Variants in TRIM37 observed in about 807,000 individuals in gnomAD.
The protein encoded by TRIM37 is tripartite motif containing 37.
TRIM37 carries 80 observed loss-of-function variants against 129.8 expected under a neutral mutation model. The observed-to-expected ratio is 0.62, with a 90% CI of 0.51 to 0.74. TRIM37 has a LOEUF of 0.74. Among genes scored for constraint, TRIM37 ranks in the 30% least tolerant of loss-of-function variants. The pLI is 0.00. For missense variants in TRIM37, 1,054 were observed against 1,176.5 expected (o/e 0.90, Z 1.52); for synonymous variants, 389 against 387.1 (o/e 1.00, Z -0.06).
intron 2 of TRIM37, among the ~76,000 whole-genome samples, chr17:59,098,079 C>T (rs1345452117): frequency 6.6e-6 from 1 of 151,754 alleles, no homozygotes; most frequent in East Asian, 1.9e-4. Context: ...TGTGGTACTA[C>T]CATAAGAACA....
At chr17:59,090,925 C>T (rs1019680597) in intron 3 of TRIM37, among the ~76,000 whole-genome samples, 6 of 152,038 alleles carry the variant, frequency 3.9e-5, no homozygotes, top group South Asian at 2.1e-4. Context: ...CCACTGTGCC[C>T]GGCCAAGCTA....
chr17:59,063,216 G>A (rs1749131176), intron 10 of TRIM37, among the ~76,000 whole-genome samples: 1 of 149,498 alleles, frequency 6.7e-6, no homozygotes, highest in South Asian at 2.1e-4. Context: ...TTTTACTCTT[G>A]TTGCCCAGGC....
chr17:59,041,501 A>G (rs969396436), intron 17 of TRIM37, among the ~76,000 whole-genome samples: 5 of 152,226 alleles, frequency 3.3e-5, no homozygotes, highest in African/African-American at 1.2e-4. Context: ...CTCATTTACT[A>G]AATTGTTAAA....
intron 2 of TRIM37, among the ~76,000 whole-genome samples, chr17:59,103,561 C>T (rs1167586124): frequency 2.0e-5 from 3 of 151,346 alleles, no homozygotes; most frequent in Admixed American, 6.6e-5. Context: ...AGGCTGTTCT[C>T]GAACTCCTGA....
chr17:58,970,451 T>A, the TRIM37 span, among the ~76,000 whole-genome samples: 1 of 152,180 alleles, frequency 6.6e-6, no homozygotes, highest in African/African-American at 2.4e-5. Context: ...TTTTAATTTT[T>A]AAAAATAATT....
At chr17:59,001,747 A>G (rs1209564709) in intron 22 of TRIM37, 33 bp from the exon 23 acceptor site, 3 of 1,612,598 alleles carry the variant, frequency 1.9e-6, no homozygotes, top group African/African-American at 2.7e-5. Flanking sequence ...TGTTTCTGAA[A>G]AGAAACCACT....
chr17:59,063,230 A>G (rs2041649316), intron 10 of TRIM37, among the ~76,000 whole-genome samples: 1 of 151,402 alleles, frequency 6.6e-6, no homozygotes, highest in Non-Finnish European at 1.5e-5. Flanking sequence ...CCCAGGCTGG[A>G]GCGCAGTGGC....
chr17:58,975,505 G>A, the TRIM37 span, among the ~76,000 whole-genome samples: 3 of 152,184 alleles, frequency 2.0e-5, no homozygotes, highest in Non-Finnish European at 2.9e-5. Flanking sequence ...ATCTAAGAGT[G>A]GATAAGGGAG....
In TRIM37 at chr17:58,998,423, G is replaced by C. The variant is rs2033229915; in HGVS notation, c.*954C>G. ...GTGTAATTTCCACAAATATATAGCAGCTCAAACACAAATGCAGGAGCACAA... is the reference window on the plus strand; with the variant it reads ...GTGTAATTTCCACAAATATATAGCACCTCAAACACAAATGCAGGAGCACAA... On this transcript the variant is annotated 3_prime_UTR_variant, in exon 24 of 24. Coordinates refer to ENST00000262294, the MANE Select transcript of TRIM37 (RefSeq NM_015294.6). The C allele has an allele frequency of 1.0e-6, 1 of 985,332 alleles. No individual in the cohort carries two copies. 61.0% of individuals were successfully genotyped at this position (985,332 alleles called of 1,614,324 possible).
At chr17:58,978,146 G>A (rs750129607), downstream of TRIM37, among the ~76,000 whole-genome samples, 1 of 152,100 alleles carries the variant, frequency 6.6e-6, no homozygotes, top group African/African-American at 2.4e-5. Flanking sequence ...CAAAAAGTTC[G>A]GTTTTAGTGC....
In TRIM37 at chr17:59,106,577, AG is replaced by A; in HGVS notation, c.-117del. On this transcript the variant is annotated 5_prime_UTR_variant, in exon 1 of 24. An upstream open reading frame in the 5' UTR loses its in-frame stop. Coordinates refer to ENST00000262294, the MANE Select transcript of TRIM37 (RefSeq NM_015294.6). Reference sequence around the variant, plus strand: ...CCGATAAAAGCCCGGCGCCCACGTCAGGGGGCTCTGACAACCGCCCCACCTG... The same window carrying A: ...CCGATAAAAGCCCGGCGCCCACGTCAGGGGCTCTGACAACCGCCCCACCTG... 2.3e-6 allele frequency: 3 copies of A among 1,306,614 alleles called. No homozygotes were observed. The highest frequency in any genetic ancestry group is 3.2e-6 in the Non-Finnish European group (3 of 925,098). 80.9% of individuals were successfully genotyped at this position (1,306,614 alleles called of 1,614,324 possible).
intron 21 of TRIM37, among the ~76,000 whole-genome samples, chr17:59,012,851 G>A (rs934269934): frequency 1.3e-5 from 2 of 151,482 alleles, no homozygotes; most frequent in African/African-American, 4.9e-5. Flanking sequence ...ACTCCAGCCT[G>A]GGCAACAGAG....
At position 59,042,430 on chromosome 17, in the gene TRIM37, TTAAAAA is replaced by T. The variant is rs1285500130; in HGVS notation, c.1668-538_1668-533del. Among the ~76,000 whole-genome samples, 107 of 92,086 alleles carry T rather than the reference TTAAAAA, an allele frequency of 1.2e-3. 2 individuals are homozygous for T. The highest frequency in any genetic ancestry group is 4.2e-3 in the African/African-American group (76 of 18,284). The allele number at this position is 92,086 out of a possible 152,430, so 60.4% of individuals were successfully genotyped here. ...TTAGAAAGCTAAGAAAAAAAGGAAT[TTAAAAA>T]AAAAAAAAAAAAAATATATATATAT... On this transcript the variant is annotated intron_variant, in intron 16 of 23. Transcript: ENST00000262294.
chr17:59,094,441 C>T (rs2044673274), intron 2 of TRIM37, among the ~76,000 whole-genome samples: 1 of 152,064 alleles, frequency 6.6e-6, no homozygotes, highest in Non-Finnish European at 1.5e-5. Context: ...AGAAAGTATT[C>T]AGATCTGTGT....
rs2035387713 is a variant in TRIM37, at chr17:59,012,327, C to T, written c.2695+1G>A. Reference sequence around the variant, plus strand: ...TTACTTATAAGTTTATCATTCCTTACCTTCTTCAGGGGCAGCTGAAGCTCC... The same window carrying T: ...TTACTTATAAGTTTATCATTCCTTATCTTCTTCAGGGGCAGCTGAAGCTCC... On this transcript the variant is annotated splice_donor_variant, in intron 22 of 23. Coordinates refer to ENST00000262294, the MANE Select transcript of TRIM37 (RefSeq NM_015294.6). LOFTEE classifies it high-confidence loss of function. 7 of 1,523,184 alleles carry T rather than the reference C, an allele frequency of 4.6e-6. No homozygotes were observed. Among genetic ancestry groups the T allele is most frequent in the Non-Finnish European group, 6.3e-6 (7 of 1,118,736 alleles). 94.4% of individuals were successfully genotyped at this position (1,523,184 alleles called of 1,614,324 possible). A position where few individuals can be genotyped will look rare whatever the true frequency, so the allele number is the denominator to read the frequency against.
the TRIM37 span, chr17:58,969,706 T>C: frequency 3.7e-6 from 6 of 1,614,172 alleles, no homozygotes; most frequent in Non-Finnish European, 5.1e-6. Flanking sequence ...ATGAGCGGTT[T>C]GTGCAGAAAG....
intron 2 of TRIM37, among the ~76,000 whole-genome samples, chr17:59,103,514 G>T (rs2045713564): frequency 6.6e-6 from 1 of 151,592 alleles, no homozygotes; most frequent in Non-Finnish European, 1.5e-5. Context: ...GCTAATTTTT[G>T]TATTTTTAGT....
chr17:58,998,447 A>G lies in TRIM37; in HGVS notation c.*930T>C. 9.1e-6 allele frequency: 9 copies of G among 985,462 alleles called. No individual in the cohort carries two copies. Among genetic ancestry groups the G allele is most frequent in the Non-Finnish European group, 9.6e-6 (8 of 829,932 alleles). 61.0% of individuals were successfully genotyped at this position (985,462 alleles called of 1,614,324 possible). On this transcript the variant is annotated 3_prime_UTR_variant, in exon 24 of 24. Transcript: ENST00000262294. ...AGCTCAAACACAAATGCAGGAGCAC[A>G]ATGGCAAAGTTTGGCAACTGTTTTG... is the stretch of plus-strand genomic sequence containing the variant.
intron 4 of TRIM37, chr17:59,088,007 T>C: frequency 1.8e-6 from 1 of 571,206 alleles, no homozygotes; most frequent in South Asian, 2.2e-5. Flanking sequence ...AGAAATCATG[T>C]CTCATTTACC....
Sources: gnomAD v4.1 joint callset for allele counts (sites outside exome capture counted in the v4.1 genomes callset) on GRCh38, gnomAD v4.1.1 for gene constraint, MANE v1.5 for transcripts, NCBI Gene and HGNC (gene_info 2026-07-23, HGNC 2026-07-21) for gene names.